The following FAM114A1 variants were observed in gnomAD, a reference collection of about 807,000 sequenced individuals.
FAM114A1 encodes family with sequence similarity 114 member A1.
Under a neutral mutation model 64.3 loss-of-function variants are expected in FAM114A1, and 62 were observed. The ratio of observed to expected loss-of-function variants is 0.96; its 90% CI spans 0.79 to 1.19. The LOEUF (loss-of-function observed/expected upper bound fraction) is 1.19. Ranked by LOEUF, FAM114A1 falls within the 50% of genes most tolerant of loss-of-function variation. The pLI, the probability that FAM114A1 is intolerant of heterozygous loss-of-function variation, is 0.00. For synonymous variants in FAM114A1, 254 were observed against 251.1 expected, an observed-to-expected ratio of 1.01 and a Z score of -0.11; for missense variants, 645 against 676.3, an observed-to-expected ratio of 0.95 and a Z score of 0.51.
At chr4:38,912,739 T>G (rs531150171) in intron 7 of FAM114A1, among the ~76,000 whole-genome samples, 26 of 152,304 alleles carry the variant, frequency 1.7e-4, no homozygotes, top group African/African-American at 6.0e-4. Flanking sequence ...CCCTTTCTCT[T>G]CAATTTCATC....
At chr4:38,895,207 C>T (rs1005973648) in intron 4 of FAM114A1, among the ~76,000 whole-genome samples, 3 of 152,174 alleles carry the variant, frequency 2.0e-5, no homozygotes, top group Non-Finnish European at 2.9e-5. Context: ...TTGAAGACGT[C>T]ATCTTTCAGG....
chr4:38,942,704 C>G (rs16994958), intron 14 of FAM114A1, among the ~76,000 whole-genome samples: 2,855 of 152,252 alleles, frequency 0.019, 82 homozygotes, highest in African/African-American at 0.064. Flanking sequence ...TAACAGTGTT[C>G]AAGTTTGCCA....
At chr4:38,877,425 C>T (rs2109539680) in intron 2 of FAM114A1, among the ~76,000 whole-genome samples, 1 of 152,244 alleles carries the variant, frequency 6.6e-6, no homozygotes, top group East Asian at 1.9e-4. Flanking sequence ...AGATCCCTCA[C>T]ACGTGCAGTT....
chr4:38,895,936 G>A (rs1277615839), intron 4 of FAM114A1, among the ~76,000 whole-genome samples: 5 of 152,080 alleles, frequency 3.3e-5, no homozygotes, highest in Admixed American at 1.3e-4. Context: ...GTGGCCCGTC[G>A]TTGACCGTAA....
At chr4:38,910,588 A>G (rs1007844274) in intron 7 of FAM114A1, among the ~76,000 whole-genome samples, 2 of 152,188 alleles carry the variant, frequency 1.3e-5, no homozygotes, top group Non-Finnish European at 2.9e-5. Flanking sequence ...AGAGGTGATG[A>G]GGAATCAGAA....
chr4:38,931,737 T>A, intron 11 of FAM114A1, 125 bp downstream of exon 11: 1 of 1,012,104 alleles, frequency 9.9e-7, no homozygotes, highest in Non-Finnish European at 1.4e-6. Context: ...AAATATAAGT[T>A]TGAGACCAGC....
intron 9 of FAM114A1, among the ~76,000 whole-genome samples, chr4:38,925,094 G>T (rs1262504372): frequency 1.3e-5 from 2 of 151,744 alleles, no homozygotes; most frequent in Non-Finnish European, 2.9e-5. Flanking sequence ...AGTAAATTCA[G>T]TTTCTTTAAA....
chr4:38,943,350 C>T (rs1040868814), intron 14 of FAM114A1, 106 bp from the exon 15 acceptor site: 41 of 833,156 alleles, frequency 4.9e-5, no homozygotes, highest in Non-Finnish European at 4.3e-5. Flanking sequence ...TAAATATAAT[C>T]CAATATGGGG....
Position 38,943,706 on chromosome 4 carries a change from A to G in FAM114A1, c.*149A>G. The G allele has an allele frequency of 5.5e-6, 3 of 543,382 alleles. No homozygotes were observed. The highest frequency in any genetic ancestry group is 6.1e-5 in the Admixed American group (2 of 32,730). The allele number at this position is 543,382 out of a possible 1,614,324, so 33.7% of individuals were successfully genotyped here. ...TTGCACAGACAATATTGAGAATGCA[A>G]ATTTAGAGAGAGTTATCATTTCTCT... On this transcript the variant is annotated 3_prime_UTR_variant, in exon 15 of 15. Coordinates refer to ENST00000358869, the MANE Select transcript of FAM114A1 (RefSeq NM_138389.4).
rs750695667 is a variant in FAM114A1 at position 38,922,883 on chromosome 4, A to G, written c.1059A>G (p.Gln353=). The G allele has an allele frequency of 6.2e-7, 1 of 1,610,368 alleles. No individual in the cohort carries two copies. The highest frequency in any genetic ancestry group is 1.1e-5 in the South Asian group (1 of 89,908). ...AAGAATTAGAGAATGAAGAAAATCA[A>G]GAAGAACAAGGTAAAGGAAAATAAC... ...AAKELENEEN[Q]EEQGLEEKGE... is the part of the protein sequence containing the mutation. The change falls in exon 9 of 15, where the codon CAA becomes CAG. Residue 353 remains glutamine, a synonymous_variant. Transcript: ENST00000358869.
At chr4:38,919,853 C>T (rs1257170423) in intron 8 of FAM114A1, among the ~76,000 whole-genome samples, 1 of 152,182 alleles carries the variant, frequency 6.6e-6, no homozygotes, top group Non-Finnish European at 1.5e-5. Flanking sequence ...TACTATTTTA[C>T]TAGATTGATT....
chr4:38,871,692 G>T (rs924513544), intron 2 of FAM114A1, among the ~76,000 whole-genome samples: 1 of 152,096 alleles, frequency 6.6e-6, no homozygotes, highest in East Asian at 1.9e-4. Context: ...ATCAGAGATA[G>T]GTAAGGGCTC....
In FAM114A1 at chr4:38,919,610, G is replaced by A. The variant is rs6531682; in HGVS notation, c.946-3160G>A. ...TTCTTGGGCCTGGGGACTCCCCTGT[G>A]TTGAAGCCTAAAGGCAGTGTTGGAT... On this transcript the variant is annotated intron_variant, in intron 8 of 14. Transcript: ENST00000358869. Among the ~76,000 whole-genome samples, 1,338 of 152,328 alleles carry A rather than the reference G, an allele frequency of 8.8e-3. 19 individuals carry two copies. The highest frequency in any genetic ancestry group is 0.03 in the African/African-American group (1,249 of 41,562).
Position 38,908,726 on chromosome 4 carries a change from G to C in FAM114A1, c.792G>C (p.Gln264His). 11 of 1,593,392 alleles carry C rather than the reference G, an allele frequency of 6.9e-6. No homozygotes were observed. The highest frequency in any genetic ancestry group is 9.4e-6 in the Non-Finnish European group (11 of 1,165,342). Residue 264 changes from glutamine (Q) to histidine (H), a missense_variant and splice_region_variant, in exon 7 of 15, where the codon CAG becomes CAC. By Grantham distance (24) the Gln-to-His change is conservative. Transcript: ENST00000358869. ...TLMERTVSLS[Q>H]MLREAKEKEK... ...TGGAGAGAACTGTTTCCTTGTCTCA[G>C]GTTGGATTATATACGTTTGCAATTT...
In FAM114A1 at chr4:38,929,794, A is replaced by G. The variant is rs555037937; in HGVS notation, c.1161+461A>G. Among the ~76,000 whole-genome samples the G allele has an allele frequency of 5.3e-5, 8 of 152,192 alleles. No homozygotes were observed. The South Asian group carries it at 6.2e-4, about 12-fold the overall frequency. On this transcript the variant is annotated intron_variant, in intron 10 of 14. Coordinates refer to ENST00000358869, the MANE Select transcript of FAM114A1 (RefSeq NM_138389.4). ...TCTCTCTCAAATTTTAAAAAAAGGA[A>G]AAAACGAAAAGATTTGAGGAGGCAA...
intron 2 of FAM114A1, among the ~76,000 whole-genome samples, chr4:38,875,954 C>A (rs1488987554): frequency 6.6e-6 from 1 of 152,260 alleles, no homozygotes; most frequent in East Asian, 1.9e-4. Flanking sequence ...TTAATGGCTA[C>A]ATTCCTTATT....
At chr4:38,906,821 G>A (rs192460919) in intron 6 of FAM114A1, among the ~76,000 whole-genome samples, 1 of 152,196 alleles carries the variant, frequency 6.6e-6, no homozygotes, top group African/African-American at 2.4e-5. Flanking sequence ...AGGTGTGAAG[G>A]TGTATTTCTT....
chr4:38,875,234 A>T (rs1398239120), intron 2 of FAM114A1, among the ~76,000 whole-genome samples: 2 of 152,194 alleles, frequency 1.3e-5, no homozygotes, highest in African/African-American at 4.8e-5. Flanking sequence ...GTTTGATAAG[A>T]ATAGCATTGA....
At chr4:38,911,391 T>C (rs965152079) in intron 7 of FAM114A1, among the ~76,000 whole-genome samples, 1 of 152,226 alleles carries the variant, frequency 6.6e-6, no homozygotes, top group African/African-American at 2.4e-5. Context: ...GGAAGAGCTG[T>C]GGGAGGCTGA....
Sources: gnomAD v4.1 joint callset for allele counts (sites outside exome capture counted in the v4.1 genomes callset) on GRCh38, gnomAD v4.1.1 for gene constraint, MANE v1.5 for transcripts, NCBI Gene and HGNC (gene_info 2026-07-23, HGNC 2026-07-21) for gene names.